Variants in SIL1 observed in about 807,000 individuals in gnomAD.
SIL1 encodes nucleotide exchange factor SIL1.
In SIL1, 40 loss-of-function variants were observed where a neutral mutation model predicts 49.1. The ratio of observed to expected loss-of-function variants is 0.81; its 90% confidence interval spans 0.63 to 1.06. The LOEUF (loss-of-function observed/expected upper bound fraction) is 1.06, where lower values mean the gene tolerates loss of function less well. Ranked by LOEUF, SIL1 falls within the 50% of genes least tolerant of loss-of-function variation. SIL1 has a pLI of 0.00. For synonymous variants in SIL1, 253 were observed against 250.8 expected (o/e 1.01, Z -0.08); for missense variants, 500 against 572.6 (o/e 0.87, Z 1.29).
chr5:139,165,460 T>C (rs1251174878), intron 1 of SIL1, among the ~76,000 whole-genome samples: 1 of 152,094 alleles, frequency 6.6e-6, no homozygotes, highest in African/African-American at 2.4e-5. Context: ...GCAATTCTCA[T>C]GCCTCAGCCT....
chr5:138,990,914 C>A (rs1362569413), intron 7 of SIL1, among the ~76,000 whole-genome samples: 1 of 152,242 alleles, frequency 6.6e-6, no homozygotes. Flanking sequence ...CGGGGTTTTG[C>A]CATGTTGGCC....
intron 1 of SIL1, among the ~76,000 whole-genome samples, chr5:139,166,645 CT>C (rs1233020398): frequency 2.0e-5 from 3 of 152,096 alleles, no homozygotes; most frequent in East Asian, 1.9e-4. Flanking sequence ...CAAGGAGTGA[CT>C]TTTTTTCTTT....
At chr5:139,068,322 TG>T (rs1205319466) in intron 3 of SIL1, among the ~76,000 whole-genome samples, 1 of 152,194 alleles carries the variant, frequency 6.6e-6, no homozygotes, top group African/African-American at 2.4e-5. Context: ...AGTGGGCCAA[TG>T]GGTAACAGCA....
Position 139,121,047 on chromosome 5 carries a change from C to A in SIL1, c.232G>T (p.Ala78Ser), listed in dbSNP as rs763221847. The A allele has an allele frequency of 9.9e-6, 16 of 1,614,002 alleles. No homozygotes were observed. In the Admixed American group the frequency reaches 1.8e-4, roughly 18 times the overall value. The part of the protein sequence containing the change: ...EVFHPTHEWQ[A>S]LQPGQAVPAG... ...CTGGGCCTGATACCTGGCTGAAGGG[C>A]CTGCCACTCATGCGTCGGGTGGAAC... The change falls in exon 3 of 10, where the codon GCC (alanine) becomes TCC (serine). Residue 78 changes from alanine (A) to serine (S), a missense_variant. Transcript: ENST00000394817.
chr5:139,033,881 C>A (rs1479947193), intron 5 of SIL1, among the ~76,000 whole-genome samples: 1 of 152,192 alleles, frequency 6.6e-6, no homozygotes, highest in Non-Finnish European at 1.5e-5. Context: ...TACTGATCCG[C>A]TGTCTAGTAG....
chr5:139,028,764 T>TA (rs1228980420), intron 5 of SIL1, among the ~76,000 whole-genome samples: 1 of 152,256 alleles, frequency 6.6e-6, no homozygotes, highest in African/African-American at 2.4e-5. Flanking sequence ...TATACTCACT[T>TA]ACATGTATGT....
At chr5:139,027,206 C>T (rs1363079627) in intron 5 of SIL1, among the ~76,000 whole-genome samples, 1 of 152,206 alleles carries the variant, frequency 6.6e-6, no homozygotes, top group Non-Finnish European at 1.5e-5. Flanking sequence ...TAAAAACACA[C>T]TCAAGATGTT....
chr5:138,993,637 C>G (rs1314495553), intron 7 of SIL1, among the ~76,000 whole-genome samples: 1 of 152,240 alleles, frequency 6.6e-6, no homozygotes, highest in African/African-American at 2.4e-5. Flanking sequence ...TCTGAAGAAG[C>G]AGGCTGCCAT....
chr5:139,141,385 C>T lies in SIL1; in HGVS notation c.-10-13532G>A, dbSNP rs111233708. Among the ~76,000 whole-genome samples, 1,052 of 152,132 alleles carry T rather than the reference C, an allele frequency of 6.9e-3. 8 individuals carry two copies. Among genetic ancestry groups the T allele is most frequent in the African/African-American group, 0.024 (1,008 of 41,470 alleles). ...TGCTGGCCAGGCACAATGGTTCACA[C>T]CTGTAATCCCAGCACTTTGGGAGGC... is the stretch of plus-strand genomic sequence containing the variant. On this transcript the variant is annotated intron_variant, in intron 1 of 9. Coordinates refer to ENST00000394817, the MANE Select transcript of SIL1 (RefSeq NM_022464.5).
intron 1 of SIL1, among the ~76,000 whole-genome samples, chr5:139,158,051 A>C (rs1194954123): frequency 6.6e-6 from 1 of 152,206 alleles, no homozygotes; most frequent in Non-Finnish European, 1.5e-5. Flanking sequence ...AGAGTTGCAA[A>C]ACTGGGTTCA....
chr5:138,951,345 C>G lies in SIL1; in HGVS notation c.865-10G>C, dbSNP rs756094627. ...ACAGTGCAAACAGGACCTGGGGGCA[C>G]AGACCCAGGGGTAGGTGAGGGGCCA... is the stretch of plus-strand genomic sequence containing the variant. On this transcript the variant is annotated splice_polypyrimidine_tract_variant and intron_variant, in intron 8 of 9. Coordinates refer to ENST00000394817, the MANE Select transcript of SIL1 (RefSeq NM_022464.5). The G allele has an allele frequency of 2.6e-6, 4 of 1,551,974 alleles. No homozygotes were observed. In the African/African-American group the frequency reaches 5.5e-5, roughly 21 times the overall value.
At chr5:139,139,793 C>T (rs1751045223) in intron 1 of SIL1, among the ~76,000 whole-genome samples, 1 of 152,056 alleles carries the variant, frequency 6.6e-6, no homozygotes, top group African/African-American at 2.4e-5. Context: ...TCAAGACCAG[C>T]CTGGCCAACA....
At chr5:139,026,765 T>C (rs1010822184) in intron 6 of SIL1, 36 bp downstream of exon 6, 2 of 1,601,234 alleles carry the variant, frequency 1.2e-6, no homozygotes, top group African/African-American at 2.7e-5. Context: ...TTTGGAGCTG[T>C]TAAAAGTCTG....
chr5:138,972,027 G>C (rs939765510), intron 7 of SIL1, among the ~76,000 whole-genome samples: 1 of 152,166 alleles, frequency 6.6e-6, no homozygotes, highest in African/African-American at 2.4e-5. Flanking sequence ...CCCTCCAAAA[G>C]CCCAGAATGA....
At chr5:139,085,124 G>A (rs1389026776) in intron 3 of SIL1, among the ~76,000 whole-genome samples, 3 of 152,132 alleles carry the variant, frequency 2.0e-5, no homozygotes, top group Admixed American at 6.6e-5. Flanking sequence ...GCTAAGGGAC[G>A]GGGGAGTGGA....
rs895926361 is a variant in SIL1 at position 139,191,675 on chromosome 5, T to C, written c.-11+6594A>G. 3.7e-4 allele frequency among the ~76,000 whole-genome samples: 55 copies of C among 150,228 alleles called. 1 individual carries two copies. The highest frequency in any genetic ancestry group is 7.3e-4 in the Admixed American group (11 of 15,086). ...GCATGGTGGTGCACACCCATGGTCCTAGCTACTTGGGAGGCTGAGGTGGGA... is the reference window on the plus strand; with the variant it reads ...GCATGGTGGTGCACACCCATGGTCCCAGCTACTTGGGAGGCTGAGGTGGGA... On this transcript the variant is annotated intron_variant, in intron 1 of 9. Coordinates refer to ENST00000394817, the MANE Select transcript of SIL1 (RefSeq NM_022464.5).
chr5:139,112,154 T>C (rs988651812), intron 3 of SIL1, among the ~76,000 whole-genome samples: 2 of 152,254 alleles, frequency 1.3e-5, no homozygotes, highest in Non-Finnish European at 2.9e-5. Flanking sequence ...GTGCTCAATG[T>C]TGCCCAGGCT....
chr5:139,128,033 C>A (rs1355405570), intron 1 of SIL1, 180 bp from the exon 2 acceptor site: 6 of 631,444 alleles, frequency 9.5e-6, no homozygotes, highest in Non-Finnish European at 1.8e-5. Flanking sequence ...TGGGTCCAGC[C>A]ATCCAACAAG....
Position 138,947,508 on chromosome 5 carries a change from G to T in SIL1, c.1030-35C>A. The T allele has an allele frequency of 6.3e-7, 1 of 1,590,822 alleles. No homozygotes were observed. The highest frequency in any genetic ancestry group is 8.6e-7 in the Non-Finnish European group (1 of 1,159,598). On this transcript the variant is annotated intron_variant, in intron 9 of 9. Coordinates refer to ENST00000394817, the MANE Select transcript of SIL1 (RefSeq NM_022464.5). The surrounding 1 kb of genome is among the most constrained non-coding windows in gnomAD (Gnocchi z 4.1). ...GCCACAGCCGCAGGCCAGGTAGGGT[G>T]GGGGTGGGGAGAGAACACACAGGGA...
Sources: gnomAD v4.1 joint callset for allele counts (sites outside exome capture counted in the v4.1 genomes callset) on GRCh38, gnomAD v4.1.1 for gene constraint, Gnocchi (gnomAD v3.1) non-coding constraint, MANE v1.5 for transcripts, NCBI Gene and HGNC (gene_info 2026-07-23, HGNC 2026-07-21) for gene names.